Variants in VIPAS39 observed in about 807,000 individuals in gnomAD.
VIPAS39 encodes spermatogenesis-defective protein 39 homolog.
In VIPAS39, 63 loss-of-function variants were observed where a neutral mutation model predicts 84.7. That is an observed-to-expected ratio of 0.74 (90% CI 0.61 to 0.92). The LOEUF is 0.92. Ranked by LOEUF, VIPAS39 falls within the 40% of genes least tolerant of loss-of-function variation. VIPAS39 has a pLI of 0.00. For synonymous variants in VIPAS39, 192 were observed against 216.5 expected, an observed-to-expected ratio of 0.89 and a Z score of 0.99; for missense variants, 499 against 604.5, an observed-to-expected ratio of 0.83 and a Z score of 1.83.
chr14:77,447,112 G>C (rs1439480858), intron 7 of VIPAS39, among the ~76,000 whole-genome samples: 2 of 151,126 alleles, frequency 1.3e-5, no homozygotes, highest in East Asian at 1.9e-4. Context: ...CACAATCTCG[G>C]CCACCAGGTT....
chr14:77,441,624 A>T (rs2139816139), intron 10 of VIPAS39, among the ~76,000 whole-genome samples: 1 of 152,098 alleles, frequency 6.6e-6, no homozygotes, highest in South Asian at 2.1e-4. Context: ...TAAGGGAGGG[A>T]AGGAAGGAGG....
In VIPAS39 at chr14:77,444,316, G is replaced by A. The variant is rs771995774; in HGVS notation, c.530C>T (p.Ser177Phe). Residue 177 changes from serine (S) to phenylalanine (F), a missense_variant, in exon 8 of 20, where the codon TCC (serine) becomes TTC (phenylalanine). Transcript: ENST00000557658. ...GKVCSLERFR[S>F]LQDKLQLLEE... ...TAGGAGTTGTAGTTTGTCCTGTAAGGAGCGGAATCTCTCTAGTGAGCAAAC... is the reference window on the plus strand; with the variant it reads ...TAGGAGTTGTAGTTTGTCCTGTAAGAAGCGGAATCTCTCTAGTGAGCAAAC... 1 of 1,613,746 alleles carries A rather than the reference G, an allele frequency of 6.2e-7. No homozygotes were observed. The highest frequency in any genetic ancestry group is 1.7e-4 in the Middle Eastern group (1 of 6,058).
Position 77,428,489 on chromosome 14 carries a change from A to G in VIPAS39, c.1357-15T>C. Reference sequence around the variant, plus strand: ...TCCCGGTAGGTCTGTGCATCAAAACAAACAATACAAACCTCCAATCAGCCT... The same window carrying G: ...TCCCGGTAGGTCTGTGCATCAAAACGAACAATACAAACCTCCAATCAGCCT... On this transcript the variant is annotated splice_polypyrimidine_tract_variant and intron_variant, in intron 18 of 19. Transcript: ENST00000557658. The G allele has an allele frequency of 6.2e-7, 1 of 1,611,880 alleles. No homozygotes were observed. The highest frequency in any genetic ancestry group is 2.2e-5 in the East Asian group (1 of 44,866).
chr14:77,443,043 G>T, intron 9 of VIPAS39, 76 bp downstream of exon 9: 1 of 1,586,384 alleles, frequency 6.3e-7, no homozygotes, highest in Non-Finnish European at 8.7e-7. Flanking sequence ...ATTCTGGTAT[G>T]AAAGGCACAT....
At chr14:77,429,591 C>T in intron 17 of VIPAS39, 90 bp downstream of exon 17, 2 of 1,311,750 alleles carry the variant, frequency 1.5e-6, no homozygotes, top group Non-Finnish European at 1.1e-6. Flanking sequence ...AAAACAAGAG[C>T]AGATCGGGTC....
At chr14:77,436,813 G>T (rs2078619777) in intron 12 of VIPAS39, among the ~76,000 whole-genome samples, 1 of 152,136 alleles carries the variant, frequency 6.6e-6, no homozygotes, top group Non-Finnish European at 1.5e-5. Flanking sequence ...AATGGGGAAG[G>T]CCAAGAATAG....
In VIPAS39 at chr14:77,435,196, G is replaced by C. The variant is rs2078588036; in HGVS notation, c.1047+63C>G. On this transcript the variant is annotated intron_variant, in intron 14 of 19. Transcript: ENST00000557658. ...ATTAATAGAGTACATAAAAGTACTG[G>C]ATTTGAACTATCTTCTTTTTGTGCA... 5.0e-6 allele frequency: 8 copies of C among 1,608,812 alleles called. No homozygotes were observed. The South Asian group carries it at 8.8e-5, about 18-fold the overall frequency.
At chr14:77,444,953 T>C (rs2078764019) in intron 7 of VIPAS39, among the ~76,000 whole-genome samples, 1 of 142,072 alleles carries the variant, frequency 7.0e-6, no homozygotes, top group South Asian at 2.4e-4. Context: ...TTTAAGTATA[T>C]AGTTCAGTGA....
chr14:77,446,023 T>G (rs1349763516), intron 7 of VIPAS39, among the ~76,000 whole-genome samples: 1 of 151,890 alleles, frequency 6.6e-6, no homozygotes, highest in Non-Finnish European at 1.5e-5. Context: ...TTCTCTGAGC[T>G]ATGGTGGTCC....
chr14:77,446,816 AT>A (rs1337952513), intron 7 of VIPAS39, among the ~76,000 whole-genome samples: 1 of 151,672 alleles, frequency 6.6e-6, no homozygotes, highest in Non-Finnish European at 1.5e-5. Context: ...TTTTCTTCTT[AT>A]TTTTTTCTTC....
intron 7 of VIPAS39, among the ~76,000 whole-genome samples, chr14:77,446,311 CT>C (rs201991530): frequency 6.7e-6 from 1 of 150,364 alleles, no homozygotes; most frequent in African/African-American, 2.4e-5. Context: ...ATTTTATCTG[CT>C]TTTTTTTTAG....
intron 16 of VIPAS39, among the ~76,000 whole-genome samples, chr14:77,432,954 T>C (rs2139758255): frequency 6.6e-6 from 1 of 152,248 alleles, no homozygotes; most frequent in Admixed American, 6.5e-5. Flanking sequence ...GTATAATCAT[T>C]TCACTATGTA....
chr14:77,449,864 A>G, intron 4 of VIPAS39, 112 bp from the exon 5 acceptor site: 1 of 1,252,732 alleles, frequency 8.0e-7, no homozygotes, highest in Non-Finnish European at 1.2e-6. Flanking sequence ...TAGGAACTTA[A>G]GGCTTAAAAA....
chr14:77,442,601 A>G lies in VIPAS39; in HGVS notation c.693T>C (p.Leu231=), dbSNP rs373783479. ...QVALRHLIHF[L]KEIGDQKLLL... is the part of the protein sequence containing the mutation. ...GCAACTTTTGATCCCCTATTTCCTT[A>G]AGGAAGTGAATAAGATGTCTCAGGG... The change falls in exon 10 of 20, where the codon CTT becomes CTC. Residue 231 remains leucine (L), a synonymous_variant. Transcript: ENST00000557658. The G allele has an allele frequency of 3.7e-6, 6 of 1,614,094 alleles. No homozygotes were observed. The African/African-American group carries it at 8.0e-5, about 22-fold the overall frequency.
In VIPAS39 at chr14:77,435,272, T is replaced by C. The variant is rs1410072141; in HGVS notation, c.1034A>G (p.Tyr345Cys). ...TTLFYSCFYH[Y>C]TEAEGTFSSP... ...TTTTGCCTGTACCTCAGCCTCTGTG[T>C]AGTGATAGAAGCAGGAGTAGAAAAG... The change falls in exon 14 of 20, where the codon TAC becomes TGC. Residue 345 changes from tyrosine (Y) to cysteine (C), a missense_variant. Physicochemically the swap from Tyr to Cys is radical, Grantham distance 194 (BLOSUM62 -2). Transcript: ENST00000557658. The C allele has an allele frequency of 6.2e-7, 1 of 1,614,026 alleles. No individual in the cohort carries two copies. Among genetic ancestry groups the C allele is most frequent in the East Asian group, 2.2e-5 (1 of 44,902 alleles).
intron 12 of VIPAS39, among the ~76,000 whole-genome samples, chr14:77,436,174 G>GA (rs943512956): frequency 2.0e-5 from 3 of 152,192 alleles, no homozygotes; most frequent in African/African-American, 4.8e-5. Flanking sequence ...GCTGATAAAT[G>GA]AATTAGAATC....
At chr14:77,430,298 A>G (rs2078500663) in intron 16 of VIPAS39, among the ~76,000 whole-genome samples, 1 of 152,234 alleles carries the variant, frequency 6.6e-6, no homozygotes, top group Admixed American at 6.5e-5. Context: ...TAATTAAATA[A>G]TTAACAAATA....
In VIPAS39 at chr14:77,427,158, C is replaced by A; in HGVS notation, c.*458G>T. ...CATCTCCAGGAGGTCTTGGGAAACA[C>A]TGGCATTCCTTCCTGAGGCCATTTT... On this transcript the variant is annotated 3_prime_UTR_variant, in exon 20 of 20. Coordinates refer to ENST00000557658, the MANE Select transcript of VIPAS39 (RefSeq NM_001193315.2). 5.2e-6 allele frequency: 1 copy of A among 192,602 alleles called. No individual in the cohort carries two copies. Among genetic ancestry groups the A allele is most frequent in the Non-Finnish European group, 1.1e-5 (1 of 92,396 alleles). The allele number at this position is 192,602 out of a possible 1,614,324, so 11.9% of individuals were successfully genotyped here.
Position 77,433,919 on chromosome 14 carries a change from G to C in VIPAS39, c.1102C>G (p.Gln368Glu). ...GCAGCCAGGGCTGTCAGCACATACT[G>C]TTTATCTGGGATCTGGAAAGCAGAG... is the stretch of plus-strand genomic sequence containing the variant. ...LKKTFKIPDK[Q>E]YVLTALAARA... is the part of the protein sequence containing the mutation. The change falls in exon 16 of 20, where the codon CAG becomes GAG. Residue 368 changes from glutamine (Q) to glutamate (E), a missense_variant. Transcript: ENST00000557658. 6.2e-7 allele frequency: 1 copy of C among 1,613,984 alleles called. No homozygotes were observed. Among genetic ancestry groups the C allele is most frequent in the Non-Finnish European group, 8.5e-7 (1 of 1,179,928 alleles).
Sources: gnomAD v4.1 joint callset for allele counts (sites outside exome capture counted in the v4.1 genomes callset) on GRCh38, gnomAD v4.1.1 for gene constraint, MANE v1.5 for transcripts, NCBI Gene and HGNC (gene_info 2026-07-23, HGNC 2026-07-21) for gene names.